ADAM11: variants seen among roughly 807,000 people sequenced by gnomAD.
ADAM11 encodes the protein ADAM metallopeptidase domain 11, also known as disintegrin and metalloproteinase domain-containing protein 11.
In ADAM11, 49 loss-of-function variants were observed where a neutral mutation model predicts 119.1. That is an observed-to-expected ratio of 0.41 (90% confidence interval 0.33 to 0.52). The LOEUF is 0.52. Ranked by LOEUF, ADAM11 falls within the 20% of genes least tolerant of loss-of-function variation. ADAM11 has a pLI of 0.20. For missense variants in ADAM11, 777 were observed against 1,047.5 expected (o/e 0.74, Z 3.56); for synonymous variants, 364 against 408.0 (o/e 0.89, Z 1.30).
rs751431469 is a variant in ADAM11, at chr17:44,776,869, T to C, written c.1618-30T>C. Reference sequence around the variant, plus strand: ...CCACTCTGACCACTCAGCATCTCCATCCCTTGCCTCTTAATTCTTGGACTC... The same window carrying C: ...CCACTCTGACCACTCAGCATCTCCACCCCTTGCCTCTTAATTCTTGGACTC... On this transcript the variant is annotated intron_variant, in intron 19 of 26. Transcript: ENST00000200557. This position sits in a 1 kb window ranked among gnomAD's most constrained non-coding sequence, Gnocchi z 5.2. 1.4e-5 allele frequency: 22 copies of C among 1,613,438 alleles called. No homozygotes were observed. Among genetic ancestry groups the C allele is most frequent in the Non-Finnish European group, 1.8e-5 (21 of 1,179,578 alleles).
intron 12 of ADAM11, 21 bp downstream of exon 12, chr17:44,774,400 G>A: frequency 6.6e-7 from 1 of 1,526,220 alleles, no homozygotes; most frequent in Non-Finnish European, 8.8e-7. Flanking sequence ...GGGGGACATG[G>A]CTGGGGTGGC....
chr17:44,777,960 C>T lies in ADAM11; in HGVS notation c.2079C>T (p.Ser693=). 6.2e-7 allele frequency: 1 copy of T among 1,614,006 alleles called. No homozygotes were observed. The highest frequency in any genetic ancestry group is 8.5e-7 in the Non-Finnish European group (1 of 1,179,972). The change falls in exon 24 of 27, where the codon AGC becomes AGT. Residue 693 remains serine (S), a synonymous_variant. Coordinates refer to ENST00000200557, the MANE Select transcript of ADAM11 (RefSeq NM_002390.6). The surrounding 1 kb of genome is among the most constrained non-coding windows in gnomAD (Gnocchi z 5.1). ...RRICSHHGVC[S]NEGKCICQPD... ...CCCTGCCCTGCCTCTAGGTCTGCAG[C>T]AATGAAGGGAAGTGCATCTGTCAGC...
At chr17:44,770,148 G>A in intron 4 of ADAM11, 100 bp downstream of exon 4, 4 of 1,406,528 alleles carry the variant, frequency 2.8e-6, no homozygotes, top group South Asian at 2.5e-5. Flanking sequence ...CACTGGAGAT[G>A]GGGTCCTGGG....
rs1004785592 is a variant in ADAM11, at chr17:44,772,839, T to G, written c.679-18T>G. On this transcript the variant is annotated intron_variant, in intron 8 of 26. Transcript: ENST00000200557. This position sits in a 1 kb window ranked among gnomAD's most constrained non-coding sequence, Gnocchi z 4.5. ...AGACATGGAAGGGACTGATTCCAAGTGCCCACCCACCCCCCAGGTCCGCCG... is the reference window on the plus strand; with the variant it reads ...AGACATGGAAGGGACTGATTCCAAGGGCCCACCCACCCCCCAGGTCCGCCG... 1.6e-5 allele frequency: 25 copies of G among 1,612,040 alleles called. No homozygotes were observed. Among genetic ancestry groups the G allele is most frequent in the Non-Finnish European group, 2.0e-5 (24 of 1,178,684 alleles).
chr17:44,759,377 C>G, intron 1 of ADAM11, 117 bp downstream of exon 1: 1 of 1,266,220 alleles, frequency 7.9e-7, no homozygotes, highest in Non-Finnish European at 1.0e-6. Flanking sequence ...CGGTCCGGAG[C>G]GCGGGAGGGT....
intron 4 of ADAM11, 58 bp from the exon 5 acceptor site, chr17:44,771,526 G>T: frequency 6.4e-7 from 1 of 1,553,574 alleles, no homozygotes; most frequent in Non-Finnish European, 8.8e-7. Context: ...AAGCCTTGAG[G>T]CCCATTGGCT....
chr17:44,761,979 T>C (rs1384749697), intron 2 of ADAM11, among the ~76,000 whole-genome samples: 1 of 152,132 alleles, frequency 6.6e-6, no homozygotes, highest in Non-Finnish European at 1.5e-5. Context: ...TGCGCCACCA[T>C]GCCTGGCTAA....
At position 44,772,470 on chromosome 17, in the gene ADAM11, C is replaced by CG. The variant is rs768621249; in HGVS notation, c.678+9dup. On this transcript the variant is annotated splice_donor_region_variant and intron_variant, in intron 8 of 26. Transcript: ENST00000200557. This position sits in a 1 kb window ranked among gnomAD's most constrained non-coding sequence, Gnocchi z 4.5. ...GAGGCTGAGAAGGAAAAGGCAGGTA[C>CG]GGGGGCCCGCACAGACCTCGGGCTG... 6.4e-7 allele frequency: 1 copy of CG among 1,564,220 alleles called. No homozygotes were observed. The highest frequency in any genetic ancestry group is 1.2e-5 in the South Asian group (1 of 85,462).
At position 44,775,476 on chromosome 17, in the gene ADAM11, G is replaced by A; in HGVS notation, c.1392+11G>A. ...TGCGGCTCGGTGCAGGTGAGCGGTG[G>A]TGCGGGCGCCAGGTGGGGAACCGGG... On this transcript the variant is annotated intron_variant, in intron 16 of 26. Transcript: ENST00000200557. The surrounding 1 kb of genome is among the most constrained non-coding windows in gnomAD (Gnocchi z 7.5). 1 of 1,603,710 alleles carries A rather than the reference G, an allele frequency of 6.2e-7. No individual in the cohort carries two copies.
chr17:44,769,219 C>T (rs1327697763), intron 2 of ADAM11, among the ~76,000 whole-genome samples: 1 of 152,210 alleles, frequency 6.6e-6, no homozygotes, highest in African/African-American at 2.4e-5. Context: ...CCCACCCATT[C>T]GCCCCTGTCC....
Position 44,775,628 on chromosome 17 carries a change from G to T in ADAM11, c.1437G>T (p.Leu479=), listed in dbSNP as rs769605230. The change falls in exon 17 of 27, where the codon CTG becomes CTT. Residue 479 remains leucine, a synonymous_variant. Coordinates refer to ENST00000200557, the MANE Select transcript of ADAM11 (RefSeq NM_002390.6). The surrounding 1 kb of genome is among the most constrained non-coding windows in gnomAD (Gnocchi z 7.5). ...GCAACTGCTGCAAGAAATGCACCCT[G>T]ACTCACGACGCCATGTGCAGCGACG... ...AGGNCCKKCT[L]THDAMCSDGL... is the part of the protein sequence containing the mutation. The T allele has an allele frequency of 5.0e-5, 79 of 1,592,598 alleles. No individual in the cohort carries two copies. The highest frequency in any genetic ancestry group is 3.8e-5 in the Non-Finnish European group (44 of 1,170,812).
rs778977310 is a variant in ADAM11, at chr17:44,776,120, T to C, written c.1486-7T>C. 2 of 1,613,416 alleles carry C rather than the reference T, an allele frequency of 1.2e-6. No individual in the cohort carries two copies. Among genetic ancestry groups the C allele is most frequent in the Non-Finnish European group, 1.7e-6 (2 of 1,179,844 alleles). ...TGCCTGACTCGAGGAGCGCGTCTCT[T>C]CCCTAGTACGAACCACGGGGTGTGT... On this transcript the variant is annotated splice_polypyrimidine_tract_variant and splice_region_variant and intron_variant, in intron 17 of 26. Transcript: ENST00000200557. The surrounding 1 kb of genome is among the most constrained non-coding windows in gnomAD (Gnocchi z 5.2).
chr17:44,763,634 C>T (rs1232279446), intron 2 of ADAM11, among the ~76,000 whole-genome samples: 1 of 152,146 alleles, frequency 6.6e-6, no homozygotes, highest in South Asian at 2.1e-4. Context: ...ACTAGGGTGA[C>T]TGGGCAAGCA....
intron 2 of ADAM11, among the ~76,000 whole-genome samples, chr17:44,767,354 CAAA>C (rs72428475): frequency 1.8e-5 from 1 of 56,918 alleles, no homozygotes; most frequent in African/African-American, 7.1e-5. Flanking sequence ...GACTCCATCT[CAAA>C]AAAAAAAAAA....
chr17:44,777,469 T>TTTA lies in ADAM11; in HGVS notation c.1782-13_1782-12insTTA, dbSNP rs1213223031. ...TCAAACTTGGGGCTCACTGTCTCTA[T>TTTA]ATGCCCCAACAGGGACGTGCTGTGT... is the stretch of plus-strand genomic sequence containing the variant. On this transcript the variant is annotated splice_polypyrimidine_tract_variant and intron_variant, in intron 21 of 26. Transcript: ENST00000200557. The surrounding 1 kb of genome is among the most constrained non-coding windows in gnomAD (Gnocchi z 5.1). 6.2e-7 allele frequency: 1 copy of TTTA among 1,613,752 alleles called. No individual in the cohort carries two copies. The highest frequency in any genetic ancestry group is 1.3e-5 in the African/African-American group (1 of 75,042).
rs761747272 is a variant in ADAM11, at chr17:44,779,233, G to A, written c.2288G>A (p.Arg763Gln). ...TCCTCCCCCTGCAGAAACATTCGCC[G>A]AGGAAGGTACGACCCGACCCAGCAG... The part of the protein sequence containing the change: ...GTGWGFKNIR[R>Q]GRSGGA The change falls in exon 26 of 27, where the codon CGA becomes CAA. Residue 763 changes from arginine to glutamine, a missense_variant. This residue lies in a region of ADAM11 where 348 missense variants were observed against 486.7 expected (regional missense o/e 0.72). Coordinates refer to ENST00000200557, the MANE Select transcript of ADAM11 (RefSeq NM_002390.6). The A allele has an allele frequency of 7.0e-6, 11 of 1,582,276 alleles. No homozygotes were observed. The highest frequency in any genetic ancestry group is 2.3e-5 in the South Asian group (2 of 87,432).
chr17:44,775,396 C>G lies in ADAM11; in HGVS notation c.1323C>G (p.Leu441=), dbSNP rs765158980. The part of the protein sequence containing the change: ...GSCLFNKPLK[L]LDPPECGNGF... Reference sequence around the variant, plus strand: ...CCCGACCTGTCCTCCCGGTCCAGCTCCTGGACCCCCCAGAGTGCGGGAACG... The same window carrying G: ...CCCGACCTGTCCTCCCGGTCCAGCTGCTGGACCCCCCAGAGTGCGGGAACG... Residue 441 remains leucine, a splice_region_variant and synonymous_variant, in exon 16 of 27, where the codon CTC becomes CTG. Coordinates refer to ENST00000200557, the MANE Select transcript of ADAM11 (RefSeq NM_002390.6). The surrounding 1 kb of genome is among the most constrained non-coding windows in gnomAD (Gnocchi z 7.5). 2.5e-6 allele frequency: 4 copies of G among 1,612,478 alleles called. No individual in the cohort carries two copies. Among genetic ancestry groups the G allele is most frequent in the Non-Finnish European group, 3.4e-6 (4 of 1,179,754 alleles).
rs572245948 is a variant in ADAM11 at position 44,773,773 on chromosome 17, G to C, written c.992+346G>C. Among the ~76,000 whole-genome samples the C allele has an allele frequency of 1.7e-4, 26 of 152,318 alleles. 2 individuals are homozygous for C. The South Asian group carries it at 2.5e-3, about 15-fold the overall frequency. ...CTTGCAACTAGAGATGGTCTACTGG[G>C]AGCCTCTCCTTTGCCTTATGGGCAA... is the stretch of plus-strand genomic sequence containing the variant. On this transcript the variant is annotated intron_variant, in intron 11 of 26. Transcript: ENST00000200557. This position sits in a 1 kb window ranked among gnomAD's most constrained non-coding sequence, Gnocchi z 4.6.
intron 2 of ADAM11, among the ~76,000 whole-genome samples, chr17:44,769,295 C>G (rs1187615088): frequency 1.3e-5 from 2 of 152,188 alleles, no homozygotes; most frequent in Non-Finnish European, 2.9e-5. Flanking sequence ...GTCCTGCCTC[C>G]CATTTCCTGT....
Sources: allele counts gnomAD v4.1 joint callset (sites outside exome capture counted in the v4.1 genomes callset), GRCh38; gene constraint gnomAD v4.1.1; regional missense constraint gnomAD v4.1.1; non-coding constraint Gnocchi (gnomAD v3.1); transcripts MANE v1.5; gene names NCBI Gene and HGNC (gene_info 2026-07-23, HGNC 2026-07-21).